AKAP13: variants seen among roughly 807,000 people sequenced by gnomAD.
AKAP13 encodes the protein A-kinase anchor protein 13.
In AKAP13, 80 loss-of-function variants were observed where a neutral mutation model predicts 264.5. The ratio of observed to expected loss-of-function variants is 0.30; its 90% CI spans 0.25 to 0.36. The LOEUF (loss-of-function observed/expected upper bound fraction) is 0.36. Ranked by LOEUF, AKAP13 falls within the 10% of genes least tolerant of loss-of-function variation. The probability of loss-of-function intolerance (pLI) is 1.00; values close to 1 mark genes in which losing one functional copy is unlikely to be tolerated. For missense variants in AKAP13, 3,712 were observed against 3,435.2 expected, an observed-to-expected ratio of 1.08 and a Z score of -2.01; for synonymous variants, 1,380 against 1,250.2, an observed-to-expected ratio of 1.10 and a Z score of -2.19.
intron 1 of AKAP13, among the ~76,000 whole-genome samples, chr15:85,437,090 AAAAG>A (rs1305556219): frequency 1.4e-5 from 2 of 147,922 alleles, no homozygotes; most frequent in Non-Finnish European, 3.0e-5. Context: ...AATAAAGAAA[AAAAG>A]AGAGAAGAAT....
rs1317274531 is a variant in AKAP13, at chr15:85,533,581, T to C, written c.182-3T>C. ...TTTTATTTGCTGCCTGTGTTTCCTT[T>C]AGGTCATGATTGTTGTGAAACAGTG... On this transcript the variant is annotated splice_region_variant and splice_polypyrimidine_tract_variant and intron_variant, in intron 3 of 36. Coordinates refer to ENST00000394518, the MANE Select transcript of AKAP13 (RefSeq NM_007200.5). 6.3e-7 allele frequency: 1 copy of C among 1,599,824 alleles called. No homozygotes were observed. Among genetic ancestry groups the C allele is most frequent in the East Asian group, 2.2e-5 (1 of 44,696 alleles).
intron 8 of AKAP13, among the ~76,000 whole-genome samples, chr15:85,613,696 A>G (rs1168778623): frequency 2.3e-5 from 2 of 86,272 alleles, no homozygotes; most frequent in Non-Finnish European, 4.8e-5. Context: ...AAAAAAATAT[A>G]TATATATATA....
intron 2 of AKAP13, chr15:85,520,743 C>G (rs2076793359): frequency 1.9e-6 from 1 of 518,112 alleles, no homozygotes; most frequent in Admixed American, 1.9e-5. Flanking sequence ...GTTCCAGGAG[C>G]TTTCCTATAC....
intron 5 of AKAP13, among the ~76,000 whole-genome samples, chr15:85,566,292 A>G (rs2078603134): frequency 6.6e-6 from 1 of 152,234 alleles, no homozygotes; most frequent in African/African-American, 2.4e-5. Context: ...AAGTAATAGC[A>G]TCTTAATTTT....
intron 2 of AKAP13, among the ~76,000 whole-genome samples, chr15:85,497,741 G>A (rs1306397556): frequency 6.6e-6 from 1 of 152,200 alleles, no homozygotes; most frequent in Non-Finnish European, 1.5e-5. Flanking sequence ...ATTGCAGATA[G>A]AAAATATTTC....
chr15:85,561,184 A>G (rs1449951076), intron 5 of AKAP13, among the ~76,000 whole-genome samples: 1 of 151,494 alleles, frequency 6.6e-6, no homozygotes, highest in Non-Finnish European at 1.5e-5. Flanking sequence ...CAGCCTCCCA[A>G]GTAGCTGGGA....
chr15:85,415,341 G>A, intron 1 of AKAP13: 1 of 1,577,524 alleles, frequency 6.3e-7, no homozygotes, highest in South Asian at 1.1e-5. Context: ...GGACACAATA[G>A]CCAAGCCAGA....
chr15:85,698,752 T>C (rs2085720103), intron 17 of AKAP13, among the ~76,000 whole-genome samples: 1 of 151,850 alleles, frequency 6.6e-6, no homozygotes, highest in African/African-American at 2.4e-5. Context: ...GAGACCAGCC[T>C]GGCCAACATG....
chr15:85,583,216 A>G (rs1017245984), intron 7 of AKAP13: 5 of 972,118 alleles, frequency 5.1e-6, no homozygotes, highest in African/African-American at 1.8e-5. Flanking sequence ...GTTCTTTTCA[A>G]TTTTTGAAAA....
intron 5 of AKAP13, among the ~76,000 whole-genome samples, chr15:85,562,331 G>T (rs2078410591): frequency 6.6e-6 from 1 of 151,922 alleles, no homozygotes; most frequent in Non-Finnish European, 1.5e-5. Flanking sequence ...TTGGGAGGCC[G>T]AGGCGTGCGG....
At chr15:85,690,875 C>T (rs539859208) in intron 16 of AKAP13, among the ~76,000 whole-genome samples, 23 of 152,350 alleles carry the variant, frequency 1.5e-4, no homozygotes, top group South Asian at 8.3e-4. Flanking sequence ...CATTATTAAA[C>T]ATCTCTAAGC....
At chr15:85,608,561 C>G (rs2080457596) in intron 8 of AKAP13, among the ~76,000 whole-genome samples, 1 of 152,074 alleles carries the variant, frequency 6.6e-6, no homozygotes. Flanking sequence ...AGTCTAAGCC[C>G]CATAGTGGTT....
At chr15:85,501,786 G>A (rs1202916963) in intron 2 of AKAP13, among the ~76,000 whole-genome samples, 3 of 152,212 alleles carry the variant, frequency 2.0e-5, no homozygotes, top group African/African-American at 7.2e-5. Context: ...GGCTTTTAAT[G>A]ATGTCAGTAT....
chr15:85,686,599 A>G (rs1470005170), intron 16 of AKAP13, among the ~76,000 whole-genome samples: 1 of 142,862 alleles, frequency 7.0e-6, no homozygotes, highest in Non-Finnish European at 1.6e-5. Flanking sequence ...GCCTTGTTTT[A>G]TAATTCCAAA....
At chr15:85,664,145 T>C (rs2083478875) in intron 12 of AKAP13, among the ~76,000 whole-genome samples, 1 of 152,232 alleles carries the variant, frequency 6.6e-6, no homozygotes, top group Admixed American at 6.5e-5. Flanking sequence ...CCAGTTTGCC[T>C]TCTGAAAGTT....
intron 1 of AKAP13, among the ~76,000 whole-genome samples, chr15:85,422,708 G>T (rs1462025400): frequency 6.6e-6 from 1 of 152,202 alleles, no homozygotes; most frequent in Non-Finnish European, 1.5e-5. Flanking sequence ...AATAGGAGTT[G>T]CTGTTAGTGT....
At chr15:85,449,350 A>G (rs1462521744) in intron 1 of AKAP13, among the ~76,000 whole-genome samples, 1 of 152,132 alleles carries the variant, frequency 6.6e-6, no homozygotes, top group African/African-American at 2.4e-5. Context: ...GGTTTTGTAG[A>G]TACAGAATCA....
intron 1 of AKAP13, among the ~76,000 whole-genome samples, chr15:85,468,148 G>GTAT (rs1374631251): frequency 6.6e-6 from 1 of 152,146 alleles, no homozygotes; most frequent in Non-Finnish European, 1.5e-5. Context: ...AACTTTTGAG[G>GTAT]TATTCTATGA....
chr15:85,527,153 C>T (rs562959083), intron 3 of AKAP13, among the ~76,000 whole-genome samples: 17 of 152,090 alleles, frequency 1.1e-4, no homozygotes, highest in Admixed American at 6.5e-4. Flanking sequence ...TTAGTAGAGA[C>T]GGGGTTTCAC....
Sources: allele counts gnomAD v4.1 joint callset (sites outside exome capture counted in the v4.1 genomes callset), GRCh38; gene constraint gnomAD v4.1.1; transcripts MANE v1.5; gene names NCBI Gene and HGNC (gene_info 2026-07-23, HGNC 2026-07-21).